Variants in TMEM132C observed in about 807,000 individuals in gnomAD.
TMEM132C encodes the protein transmembrane protein 132C.
Under a neutral mutation model 61.4 loss-of-function variants are expected in TMEM132C, and 29 were observed. The ratio of observed to expected loss-of-function variants is 0.47; its 90% confidence interval spans 0.35 to 0.64. The LOEUF (loss-of-function observed/expected upper bound fraction) is 0.64, where lower values mean the gene tolerates loss of function less well. TMEM132C is among the 30% of genes least tolerant of loss of function. The probability of loss-of-function intolerance (pLI) is 0.00; values close to 1 mark genes in which losing one functional copy is unlikely to be tolerated. For synonymous variants in TMEM132C, 656 were observed against 633.1 expected (o/e 1.04, Z -0.54); for missense variants, 1,408 against 1,476.9 (o/e 0.95, Z 0.76).
rs202210892 is a variant in TMEM132C at position 128,622,331 on chromosome 12, G to T, written c.1305+5996G>T. Reference sequence around the variant, plus strand: ...TGCACTCTAGCCTGGGTGACAGAGTGAGACTTTGTCTCAAAAAAAAAAAAA... The same window carrying T: ...TGCACTCTAGCCTGGGTGACAGAGTTAGACTTTGTCTCAAAAAAAAAAAAA... On this transcript the variant is annotated intron_variant, in intron 4 of 8. Transcript: ENST00000435159. 8.0e-5 allele frequency among the ~76,000 whole-genome samples: 8 copies of T among 100,332 alleles called. No homozygotes were observed. The East Asian group carries it at 2.4e-3, about 30-fold the overall frequency. The allele number at this position is 100,332 out of a possible 152,430, so 65.8% of individuals were successfully genotyped here.
intron 3 of TMEM132C, among the ~76,000 whole-genome samples, chr12:128,545,679 T>A (rs117319403): frequency 0.067 from 10,237 of 152,296 alleles, 825 homozygotes; most frequent in African/African-American, 0.19. Context: ...CATCTCATTG[T>A]GGTTTTGATT....
intron 3 of TMEM132C, among the ~76,000 whole-genome samples, chr12:128,596,689 C>T (rs1166161431): frequency 1.3e-5 from 2 of 150,608 alleles, no homozygotes; most frequent in Non-Finnish European, 3.0e-5. Flanking sequence ...TTCACTGATC[C>T]CTGTTCTGTC....
At chr12:128,372,573 T>TTA (rs1256742777) in intron 1 of TMEM132C, among the ~76,000 whole-genome samples, 1 of 152,180 alleles carries the variant, frequency 6.6e-6, no homozygotes. Flanking sequence ...ACAATAAGCA[T>TTA]TTGAATGCTT....
intron 2 of TMEM132C, among the ~76,000 whole-genome samples, chr12:128,423,426 TAAAC>T (rs1420859286): frequency 2.6e-5 from 4 of 152,126 alleles, no homozygotes; most frequent in Non-Finnish European, 5.9e-5. Flanking sequence ...CATGTTCCAA[TAAAC>T]AAACAGGATG....
At chr12:128,540,316 C>T (rs759059263) in intron 2 of TMEM132C, among the ~76,000 whole-genome samples, 1 of 152,182 alleles carries the variant, frequency 6.6e-6, no homozygotes, top group East Asian at 1.9e-4. Context: ...TGCAGTGGCA[C>T]GATCTTGGCT....
At chr12:128,606,804 G>A (rs11614342) in intron 3 of TMEM132C, among the ~76,000 whole-genome samples, 23,366 of 152,166 alleles carry the variant, frequency 0.15, 1,878 homozygotes, top group South Asian at 0.32. Flanking sequence ...GGCAGGTCTC[G>A]GTTCCAGGGG....
rs554063110 is a variant in TMEM132C at position 128,669,363 on chromosome 12, C to T, written c.1306-54C>T. On this transcript the variant is annotated intron_variant, in intron 4 of 8. Coordinates refer to ENST00000435159, the MANE Select transcript of TMEM132C (RefSeq NM_001136103.3). The stretch of plus-strand genomic sequence containing the variant: ...AGATTCCCCCTAGAATTGTCCAGTT[C>T]CCAACAGAATGGAATATCTCCCTTG... 1,161 of 1,541,444 alleles carry T rather than the reference C, an allele frequency of 7.5e-4. 4 individuals carry two copies. Among genetic ancestry groups the T allele is most frequent in the Middle Eastern group, 5.0e-4 (3 of 5,948 alleles).
chr12:128,300,752 T>A (rs1871568823), intron 1 of TMEM132C, among the ~76,000 whole-genome samples: 1 of 152,132 alleles, frequency 6.6e-6, no homozygotes, highest in African/African-American at 2.4e-5. Context: ...AAACTCAGGC[T>A]CCAGCTGTGC....
chr12:128,639,055 A>G (rs1345915266), intron 4 of TMEM132C, among the ~76,000 whole-genome samples: 4 of 80,836 alleles, frequency 4.9e-5, no homozygotes, highest in South Asian at 3.8e-4. Context: ...GATAATGACA[A>G]TGGTGATGAT....
intron 4 of TMEM132C, among the ~76,000 whole-genome samples, chr12:128,653,832 A>G (rs1381350293): frequency 6.6e-6 from 1 of 152,178 alleles, no homozygotes; most frequent in Non-Finnish European, 1.5e-5. Flanking sequence ...TGATTGGATC[A>G]ATTCACCATC....
At chr12:128,440,570 T>C (rs903090553) in intron 2 of TMEM132C, among the ~76,000 whole-genome samples, 4 of 152,202 alleles carry the variant, frequency 2.6e-5, no homozygotes, top group African/African-American at 9.6e-5. Context: ...CATCCCCTCT[T>C]GCCAAGGAAT....
chr12:128,530,592 T>C (rs1024805278), intron 2 of TMEM132C, among the ~76,000 whole-genome samples: 8 of 152,108 alleles, frequency 5.3e-5, no homozygotes, highest in South Asian at 2.1e-4. Context: ...TACAAGCATG[T>C]GCCACCACGC....
chr12:128,547,167 G>T (rs1026169372), intron 3 of TMEM132C, among the ~76,000 whole-genome samples: 1 of 152,200 alleles, frequency 6.6e-6, no homozygotes, highest in African/African-American at 2.4e-5. Flanking sequence ...GTCAGTGCCA[G>T]CCAGGAGTGT....
intron 5 of TMEM132C, among the ~76,000 whole-genome samples, chr12:128,689,981 G>A (rs1370508490): frequency 6.6e-6 from 1 of 152,198 alleles, no homozygotes; most frequent in African/African-American, 2.4e-5. Flanking sequence ...TGGCTGACCG[G>A]CAGATGCCTC....
At chr12:128,577,867 C>T (rs539330111) in intron 3 of TMEM132C, among the ~76,000 whole-genome samples, 2 of 152,198 alleles carry the variant, frequency 1.3e-5, no homozygotes, top group Non-Finnish European at 2.9e-5. Flanking sequence ...ACCTTCTTCG[C>T]GGCTCCCCTC....
intron 1 of TMEM132C, chr12:128,294,286 T>G (rs1871335691): frequency 6.5e-6 from 1 of 152,874 alleles, no homozygotes; most frequent in East Asian, 1.9e-4. Context: ...GTCTCACTTT[T>G]GGGGCTTTTG....
intron 3 of TMEM132C, among the ~76,000 whole-genome samples, chr12:128,555,003 G>C (rs1304072598): frequency 6.6e-6 from 1 of 152,124 alleles, no homozygotes; most frequent in Non-Finnish European, 1.5e-5. Context: ...TGCCTCTCCT[G>C]TTCTTCCCCC....
intron 2 of TMEM132C, among the ~76,000 whole-genome samples, chr12:128,508,556 C>T (rs1432112620): frequency 2.0e-5 from 3 of 152,218 alleles, no homozygotes; most frequent in East Asian, 3.9e-4. Context: ...TGTGCAGAGC[C>T]ACTTCCTGCG....
intron 1 of TMEM132C, among the ~76,000 whole-genome samples, chr12:128,276,320 CTG>C (rs1163333079): frequency 6.6e-6 from 1 of 152,122 alleles, no homozygotes; most frequent in East Asian, 1.9e-4. Flanking sequence ...TTAAAAATAA[CTG>C]AGAATAATTT....
Sources: allele counts gnomAD v4.1 joint callset (sites outside exome capture counted in the v4.1 genomes callset), GRCh38; gene constraint gnomAD v4.1.1; transcripts MANE v1.5; gene names NCBI Gene and HGNC (gene_info 2026-07-23, HGNC 2026-07-21).